Variants in PDE5A observed in about 807,000 individuals in gnomAD.
PDE5A encodes the protein cGMP-specific 3',5'-cyclic phosphodiesterase.
In PDE5A, 67 loss-of-function variants were observed where a neutral mutation model predicts 110.2. The ratio of observed to expected loss-of-function variants is 0.61; its 90% CI spans 0.50 to 0.75. The LOEUF (loss-of-function observed/expected upper bound fraction) is 0.75, where lower values mean the gene tolerates loss of function less well. PDE5A is among the 30% of genes least tolerant of loss of function. PDE5A has a pLI of 0.00. For synonymous variants in PDE5A, 328 were observed against 351.2 expected, an observed-to-expected ratio of 0.93 and a Z score of 0.74; for missense variants, 862 against 1,045.1, an observed-to-expected ratio of 0.82 and a Z score of 2.42.
At chr4:119,509,150 A>G (rs778848324) in intron 15 of PDE5A, among the ~76,000 whole-genome samples, 5 of 152,058 alleles carry the variant, frequency 3.3e-5, no homozygotes, top group Non-Finnish European at 7.4e-5. Context: ...TAAAAATAAC[A>G]TGGATTTTGT....
At position 119,627,205 on chromosome 4, in the gene PDE5A, C is replaced by T. The variant is rs1221236218; in HGVS notation, c.152+1315G>A. ...AACGTGGGAAGTTCGTTTTCGAACTCCGCCGATCCTGGACTCCAGGAGGCT... is the reference window on the plus strand; with the variant it reads ...AACGTGGGAAGTTCGTTTTCGAACTTCGCCGATCCTGGACTCCAGGAGGCT... On this transcript the variant is annotated intron_variant, in intron 1 of 20. Transcript: ENST00000354960. The surrounding 1 kb of genome is among the most constrained non-coding windows in gnomAD (Gnocchi z 4.6). 1 of 1,612,588 alleles carries T rather than the reference C, an allele frequency of 6.2e-7. No individual in the cohort carries two copies. The highest frequency in any genetic ancestry group is 2.2e-5 in the East Asian group (1 of 44,782).
At chr4:119,533,405 T>C (rs1726612871) in intron 11 of PDE5A, among the ~76,000 whole-genome samples, 1 of 152,164 alleles carries the variant, frequency 6.6e-6, no homozygotes. Flanking sequence ...TTCTCCACTT[T>C]CCGCATGCCC....
At chr4:119,556,002 T>A (rs567763825) in intron 7 of PDE5A, among the ~76,000 whole-genome samples, 2 of 152,346 alleles carry the variant, frequency 1.3e-5, no homozygotes, top group East Asian at 1.9e-4. Flanking sequence ...TAGCAGTATA[T>A]GGGCGACAAA....
rs568283233 is a variant in PDE5A at position 119,500,884 on chromosome 4, T to C, written c.2490+286A>G. The stretch of plus-strand genomic sequence containing the variant: ...CTTAAAAAAAGAATATGCTAACGCA[T>C]AGTATATACAGTATTGCTCCTTGAG... On this transcript the variant is annotated intron_variant, in intron 20 of 20. Coordinates refer to ENST00000354960, the MANE Select transcript of PDE5A (RefSeq NM_001083.4). 194 of 264,466 alleles carry C rather than the reference T, an allele frequency of 7.3e-4. 2 individuals carry two copies. In the South Asian group the frequency reaches 0.023, roughly 31 times the overall value. 16.4% of individuals were successfully genotyped at this position (264,466 alleles called of 1,614,324 possible).
intron 1 of PDE5A, among the ~76,000 whole-genome samples, chr4:119,612,247 T>C (rs865884110): frequency 6.6e-6 from 1 of 152,060 alleles, no homozygotes; most frequent in Non-Finnish European, 1.5e-5. Context: ...TAATCCCCAG[T>C]GTTGAAGGTG....
At chr4:119,515,370 A>G (rs866943755) in intron 14 of PDE5A, among the ~76,000 whole-genome samples, 15 of 152,192 alleles carry the variant, frequency 9.9e-5, no homozygotes, top group African/African-American at 3.6e-4. Context: ...TAGAGCAGAG[A>G]AGACAGTCAT....
intron 3 of PDE5A, among the ~76,000 whole-genome samples, chr4:119,568,738 C>A (rs952470319): frequency 3.3e-5 from 5 of 152,022 alleles, no homozygotes; most frequent in African/African-American, 1.2e-4. Flanking sequence ...AAGACATAAA[C>A]TTTAAATCTG....
chr4:119,576,950 TAAA>T (rs150125503), intron 3 of PDE5A, among the ~76,000 whole-genome samples: 39,685 of 151,360 alleles, frequency 0.26, 5,239 homozygotes, highest in East Asian at 0.38. Context: ...GCAAGACTAA[TAAA>T]GAAGAAAAGA....
chr4:119,578,047 A>G (rs1366059314), intron 3 of PDE5A, among the ~76,000 whole-genome samples: 1 of 152,150 alleles, frequency 6.6e-6, no homozygotes, highest in East Asian at 1.9e-4. Context: ...CCAATAACAG[A>G]CAAACAGAGA....
At chr4:119,572,975 C>T (rs1049891818) in intron 3 of PDE5A, among the ~76,000 whole-genome samples, 1 of 152,278 alleles carries the variant, frequency 6.6e-6, no homozygotes, top group Admixed American at 6.5e-5. Flanking sequence ...TAAATCTATA[C>T]ACAAAACATA....
chr4:119,521,198 T>C, intron 12 of PDE5A, 138 bp from the exon 13 acceptor site: 1 of 893,870 alleles, frequency 1.1e-6, no homozygotes, highest in Non-Finnish European at 1.6e-6. Context: ...AAACTGACAC[T>C]CAGAGAGGTA....
In PDE5A at chr4:119,627,321, C is replaced by G; in HGVS notation, c.152+1199G>C. ...ACGGCCCCGGCCTCCGCGCCGCCGC[C>G]CGTCGCCTCCCGCTCGCCCCGCGCT... is the stretch of plus-strand genomic sequence containing the variant. On this transcript the variant is annotated intron_variant, in intron 1 of 20. Transcript: ENST00000354960. This position sits in a 1 kb window ranked among gnomAD's most constrained non-coding sequence, Gnocchi z 4.6. The G allele has an allele frequency of 8.5e-7, 1 of 1,174,052 alleles. No individual in the cohort carries two copies. Among genetic ancestry groups the G allele is most frequent in the Non-Finnish European group, 1.1e-6 (1 of 941,200 alleles). 72.7% of individuals were successfully genotyped at this position (1,174,052 alleles called of 1,614,324 possible). A position where few individuals can be genotyped will look rare whatever the true frequency, so the allele number is the denominator to read the frequency against.
intron 6 of PDE5A, among the ~76,000 whole-genome samples, chr4:119,562,623 T>TA (rs1056746745): frequency 5.3e-4 from 80 of 151,848 alleles, no homozygotes; most frequent in South Asian, 8.3e-4. Flanking sequence ...TGAACAGAGG[T>TA]AAAAAAAGGC....
intron 9 of PDE5A, among the ~76,000 whole-genome samples, chr4:119,551,464 T>C (rs1258180413): frequency 6.6e-6 from 1 of 152,178 alleles, no homozygotes; most frequent in Non-Finnish European, 1.5e-5. Flanking sequence ...GCTGATGTAT[T>C]CCTTTCACAA....
chr4:119,609,353 C>T (rs955091818), intron 1 of PDE5A, among the ~76,000 whole-genome samples: 3 of 152,074 alleles, frequency 2.0e-5, no homozygotes, highest in African/African-American at 7.2e-5. Flanking sequence ...CATCATGGCA[C>T]ACTTATACAA....
chr4:119,507,473 C>T (rs1183134324), intron 16 of PDE5A, 131 bp downstream of exon 16: 8 of 599,720 alleles, frequency 1.3e-5, no homozygotes, highest in Admixed American at 7.0e-5. Context: ...CTTTCAGAAA[C>T]TGCTCCGTAT....
chr4:119,621,495 T>C (rs1730140041), intron 1 of PDE5A, among the ~76,000 whole-genome samples: 1 of 151,662 alleles, frequency 6.6e-6, no homozygotes, highest in African/African-American at 2.4e-5. Flanking sequence ...TGCAAGAAAA[T>C]AAAGCCAACA....
At chr4:119,517,733 G>C (rs982989626) in intron 14 of PDE5A, among the ~76,000 whole-genome samples, 12 of 150,942 alleles carry the variant, frequency 8.0e-5, no homozygotes, top group Non-Finnish European at 1.6e-4. Flanking sequence ...TAGCATCTTA[G>C]AGCAATCCAT....
chr4:119,511,651 G>T (rs1725747532), intron 14 of PDE5A, among the ~76,000 whole-genome samples: 1 of 152,088 alleles, frequency 6.6e-6, no homozygotes, highest in Admixed American at 6.6e-5. Context: ...AAGAAAAAGA[G>T]GGATAGTCAG....
Sources: gnomAD v4.1 joint callset for allele counts (sites outside exome capture counted in the v4.1 genomes callset) on GRCh38, gnomAD v4.1.1 for gene constraint, Gnocchi (gnomAD v3.1) non-coding constraint, MANE v1.5 for transcripts, NCBI Gene and HGNC (gene_info 2026-07-23, HGNC 2026-07-21) for gene names.